Variants in NELL1 observed in about 807,000 individuals in gnomAD.
The protein encoded by NELL1 is neural EGFL like 1.
Under a neutral mutation model 107.4 loss-of-function variants are expected in NELL1, and 76 were observed. That is an observed-to-expected ratio of 0.71 (90% CI 0.59 to 0.86). The LOEUF (loss-of-function observed/expected upper bound fraction) is 0.86. Among genes scored for constraint, NELL1 ranks in the 40% least tolerant of loss-of-function variants. The pLI, the probability that NELL1 is intolerant of heterozygous loss-of-function variation, is 0.00. For missense variants in NELL1, 1,024 were observed against 1,005.5 expected, an observed-to-expected ratio of 1.02 and a Z score of -0.25; for synonymous variants, 353 against 341.2, an observed-to-expected ratio of 1.03 and a Z score of -0.38.
At chr11:20,799,528 T>C (rs1006954805) in intron 3 of NELL1, among the ~76,000 whole-genome samples, 10 of 152,212 alleles carry the variant, frequency 6.6e-5, no homozygotes, top group African/African-American at 2.4e-4. Flanking sequence ...AAGGACATTT[T>C]AGTTCTCCTT....
At chr11:21,496,763 C>A (rs991585319) in intron 15 of NELL1, among the ~76,000 whole-genome samples, 1 of 152,116 alleles carries the variant, frequency 6.6e-6, no homozygotes, top group African/African-American at 2.4e-5. Flanking sequence ...TTTATTCTCT[C>A]CCTACTTTCT....
At chr11:21,099,604 T>C (rs1181885027) in intron 12 of NELL1, among the ~76,000 whole-genome samples, 1 of 152,080 alleles carries the variant, frequency 6.6e-6, no homozygotes, top group Non-Finnish European at 1.5e-5. Flanking sequence ...TTGAGACATG[T>C]ATTGAGGCAT....
intron 13 of NELL1, among the ~76,000 whole-genome samples, chr11:21,117,084 G>A (rs950807338): frequency 1.3e-5 from 2 of 151,760 alleles, no homozygotes; most frequent in Non-Finnish European, 2.9e-5. Context: ...GTTTCTGTTT[G>A]TTAAGACCTT....
chr11:21,452,737 CCTT>C (rs1363811045), intron 15 of NELL1, among the ~76,000 whole-genome samples: 1 of 151,782 alleles, frequency 6.6e-6, no homozygotes, highest in East Asian at 1.9e-4. Flanking sequence ...TTTTAAAGCT[CCTT>C]AAGGTAGTAG....
At chr11:21,362,672 G>A (rs1283307319) in intron 14 of NELL1, among the ~76,000 whole-genome samples, 1 of 152,176 alleles carries the variant, frequency 6.6e-6, no homozygotes, top group Non-Finnish European at 1.5e-5. Context: ...GTAGTAGGGG[G>A]CTCTAAGCTT....
intron 13 of NELL1, among the ~76,000 whole-genome samples, chr11:21,176,478 C>T (rs1856714849): frequency 6.6e-6 from 1 of 151,836 alleles, no homozygotes; most frequent in Non-Finnish European, 1.5e-5. Context: ...CCCAGTCTGG[C>T]CCACCTGAGG....
At chr11:20,960,589 G>T (rs373112772) in intron 12 of NELL1, 29 bp downstream of exon 12, 1 of 1,612,662 alleles carries the variant, frequency 6.2e-7, no homozygotes, top group Non-Finnish European at 8.5e-7. Flanking sequence ...GAAGTCACTT[G>T]TGAGAGGTTG....
rs1457586203 is a variant in NELL1 at position 21,270,764 on chromosome 11, C to T, written c.1549+41310C>T. On this transcript the variant is annotated intron_variant, in intron 14 of 19. Coordinates refer to ENST00000357134, the MANE Select transcript of NELL1 (RefSeq NM_006157.5). ...CACATGGAACATTCATCAAAATAAA[C>T]CATGTTCTGGGTCATAAAGCAGACC... 1.3e-5 allele frequency among the ~76,000 whole-genome samples: 2 copies of T among 152,082 alleles called. 1 individual carries two copies. The highest frequency in any genetic ancestry group is 4.1e-4 in the South Asian group (2 of 4,832).
intron 13 of NELL1, among the ~76,000 whole-genome samples, chr11:21,121,803 G>A (rs1379227665): frequency 6.6e-6 from 1 of 152,044 alleles, no homozygotes; most frequent in African/African-American, 2.4e-5. Context: ...AAATTAAGAG[G>A]TCCCTCTAAA....
At chr11:20,849,079 C>T (rs1024912503) in intron 4 of NELL1, among the ~76,000 whole-genome samples, 2 of 152,148 alleles carry the variant, frequency 1.3e-5, no homozygotes, top group African/African-American at 4.8e-5. Flanking sequence ...TCATTGCCCC[C>T]TTCAATTCTC....
At chr11:21,309,265 TATATATATATATATGTATATATATA>T (rs1373644721) in intron 14 of NELL1, among the ~76,000 whole-genome samples, 2,752 of 38,724 alleles carry the variant, frequency 0.071, 125 homozygotes, top group African/African-American at 0.18. Context: ...TATATGTATA[TATATATATATATATGTATATATATA>T]TATATATATG....
intron 12 of NELL1, among the ~76,000 whole-genome samples, chr11:21,000,066 G>A (rs1049276690): frequency 1.3e-5 from 2 of 152,104 alleles, no homozygotes; most frequent in Admixed American, 1.3e-4. Flanking sequence ...AAATGGAGTT[G>A]AACAAAAGGT....
intron 13 of NELL1, among the ~76,000 whole-genome samples, chr11:21,176,078 TAG>T (rs1213229085): frequency 1.3e-5 from 2 of 151,866 alleles, no homozygotes; most frequent in Middle Eastern, 3.2e-3. Context: ...CCTAAATATT[TAG>T]AGAGTAGACT....
intron 15 of NELL1, among the ~76,000 whole-genome samples, chr11:21,389,383 C>G (rs915339670): frequency 6.6e-6 from 1 of 151,796 alleles, no homozygotes; most frequent in Non-Finnish European, 1.5e-5. Flanking sequence ...GTCACTCTGT[C>G]TTTCTCTCCT....
intron 15 of NELL1, among the ~76,000 whole-genome samples, chr11:21,371,207 A>G (rs990426914): frequency 1.3e-5 from 2 of 152,058 alleles, no homozygotes; most frequent in African/African-American, 2.4e-5. Flanking sequence ...CTCAGTGTGC[A>G]TTTTTAGTGC....
intron 13 of NELL1, among the ~76,000 whole-genome samples, chr11:21,173,938 A>G (rs989649017): frequency 1.3e-5 from 2 of 151,800 alleles, no homozygotes; most frequent in Admixed American, 6.6e-5. Flanking sequence ...GGCAGTGGCT[A>G]TATGCTAGGT....
Position 20,964,964 on chromosome 11 carries a change from T to A in NELL1, c.1300+4404T>A, listed in dbSNP as rs894774796. ...GAAATAATCTTGTATGCCACTGACA[T>A]TGGTAGGATTTGGGGGTGGGGAGTT... is the stretch of plus-strand genomic sequence containing the variant. On this transcript the variant is annotated intron_variant, in intron 12 of 19. Coordinates refer to ENST00000357134, the MANE Select transcript of NELL1 (RefSeq NM_006157.5). Among the ~76,000 whole-genome samples, 5 of 152,030 alleles carry A rather than the reference T, an allele frequency of 3.3e-5. No homozygotes were observed. The South Asian group carries it at 1.0e-3, about 32-fold the overall frequency.
chr11:21,418,049 G>A (rs142590813), intron 15 of NELL1, among the ~76,000 whole-genome samples: 161 of 152,004 alleles, frequency 1.1e-3, no homozygotes, highest in Middle Eastern at 6.8e-3. Context: ...TGAGCTAGGC[G>A]TTATTATTTT....
At chr11:21,388,333 C>T (rs967147397) in intron 15 of NELL1, among the ~76,000 whole-genome samples, 1 of 151,494 alleles carries the variant, frequency 6.6e-6, no homozygotes, top group African/African-American at 2.4e-5. Context: ...TCTGTATCTC[C>T]CAATATTGTT....
Sources: gnomAD v4.1 joint callset for allele counts (sites outside exome capture counted in the v4.1 genomes callset) on GRCh38, gnomAD v4.1.1 for gene constraint, MANE v1.5 for transcripts, NCBI Gene and HGNC (gene_info 2026-07-23, HGNC 2026-07-21) for gene names.